The following RBM33 variants were observed in gnomAD, a reference collection of about 807,000 sequenced individuals.
The protein encoded by RBM33 is RNA binding motif protein 33.
A neutral mutation model predicts 132.6 loss-of-function variants in RBM33; 28 were observed. That is an observed-to-expected ratio of 0.21 (90% confidence interval 0.16 to 0.29). The LOEUF is 0.29. RBM33 is among the 10% of genes least tolerant of loss of function. RBM33 has a pLI of 1.00. For missense variants in RBM33, 1,291 were observed against 1,518.5 expected, an observed-to-expected ratio of 0.85 and a Z score of 2.49; for synonymous variants, 634 against 593.0, an observed-to-expected ratio of 1.07 and a Z score of -1.01.
At chr7:155,665,068 A>G (rs765169579) in intron 1 of RBM33, 107 bp from the exon 2 acceptor site, 4 of 818,850 alleles carry the variant, frequency 4.9e-6, no homozygotes, top group Non-Finnish European at 7.9e-6. Context: ...TTTGTAATTT[A>G]AAATGTCAAG....
At chr7:155,710,191 A>G (rs1305741747) in intron 7 of RBM33, among the ~76,000 whole-genome samples, 4 of 152,244 alleles carry the variant, frequency 2.6e-5, no homozygotes, top group Admixed American at 2.6e-4. Flanking sequence ...GTTAAATTAG[A>G]CAACTGAATA....
At chr7:155,718,736 AG>A (rs995479882) in intron 9 of RBM33, among the ~76,000 whole-genome samples, 1 of 152,172 alleles carries the variant, frequency 6.6e-6, no homozygotes, top group Non-Finnish European at 1.5e-5. Context: ...TTAGTGAGAA[AG>A]GGCCTTGCTT....
intron 1 of RBM33, among the ~76,000 whole-genome samples, chr7:155,662,940 AG>A (rs1798695101): frequency 6.6e-6 from 1 of 152,082 alleles, no homozygotes; most frequent in Non-Finnish European, 1.5e-5. Context: ...AAGGATGAAG[AG>A]GGGTGGGTCC....
chr7:155,763,816 G>T lies in RBM33; in HGVS notation c.2984G>T (p.Gly995Val). 6.2e-7 allele frequency: 1 copy of T among 1,609,526 alleles called. No individual in the cohort carries two copies. The highest frequency in any genetic ancestry group is 8.5e-7 in the Non-Finnish European group (1 of 1,177,978). Reference protein sequence around the residue: ...VRVIKLSGGGGESDGFFHPEG... With the variant: ...VRVIKLSGGGVESDGFFHPEG... ...CTGCCTTCTTGGTTTCAGCAGGGAGGAGAGAGCGATGGCTTTTTTCACCCA... is the reference window on the plus strand; with the variant it reads ...CTGCCTTCTTGGTTTCAGCAGGGAGTAGAGAGCGATGGCTTTTTTCACCCA... Residue 995 changes from glycine to valine, a missense_variant, in exon 15 of 18, where the codon GGA (glycine) becomes GTA (valine). This residue lies in a region of RBM33 where 841 missense variants were observed against 912.0 expected (regional missense o/e 0.92). Transcript: ENST00000401878.
At chr7:155,704,602 C>T (rs1370831035) in intron 6 of RBM33, among the ~76,000 whole-genome samples, 2 of 152,072 alleles carry the variant, frequency 1.3e-5, no homozygotes, top group African/African-American at 2.4e-5. Context: ...CCTTGGATTG[C>T]CTTAGAAAGC....
intron 2 of RBM33, among the ~76,000 whole-genome samples, chr7:155,669,308 T>C (rs542641475): frequency 2.0e-5 from 3 of 152,274 alleles, no homozygotes; most frequent in Non-Finnish European, 2.9e-5. Flanking sequence ...TTTAAAGATA[T>C]GAATGTCTCA....
intron 8 of RBM33, among the ~76,000 whole-genome samples, chr7:155,714,617 C>T (rs1481064103): frequency 6.6e-6 from 1 of 152,172 alleles, no homozygotes; most frequent in African/African-American, 2.4e-5. Flanking sequence ...AGGAGCCCTT[C>T]TACCTCCAGA....
intron 9 of RBM33, among the ~76,000 whole-genome samples, chr7:155,727,738 C>T (rs1050746568): frequency 5.3e-5 from 8 of 152,236 alleles, no homozygotes; most frequent in African/African-American, 1.9e-4. Context: ...TGTCCAATAG[C>T]ATCTGACATT....
At chr7:155,661,097 G>GTGTGTGT (rs1214054155) in intron 1 of RBM33, among the ~76,000 whole-genome samples, 2 of 110,152 alleles carry the variant, frequency 1.8e-5, no homozygotes, top group African/African-American at 7.4e-5. Flanking sequence ...GTGTGTGTGT[G>GTGTGTGT]GTGTGTGTGT....
In RBM33 at chr7:155,744,977, A is replaced by G; in HGVS notation, c.2354A>G (p.Glu785Gly). The G allele has an allele frequency of 6.4e-7, 1 of 1,566,174 alleles. No individual in the cohort carries two copies. The highest frequency in any genetic ancestry group is 8.6e-7 in the Non-Finnish European group (1 of 1,160,160). Residue 785 changes from glutamate (E) to glycine (G), a missense_variant, in exon 14 of 18, where the codon GAG (glutamate) becomes GGG (glycine). By Grantham distance (98) the Glu-to-Gly change is moderately conservative. Transcript: ENST00000401878. ...CCATTTTAGTTTCCTGATGAAGATGAGGAAACAAGGTTATATCGCTTAAAG... is the reference window on the plus strand; with the variant it reads ...CCATTTTAGTTTCCTGATGAAGATGGGGAAACAAGGTTATATCGCTTAAAG... Reference protein sequence around the residue: ...KTETEFPDEDEETRLYRLKIE... With the variant: ...KTETEFPDEDGETRLYRLKIE...
At chr7:155,755,902 C>CAA (rs150518793) in intron 14 of RBM33, among the ~76,000 whole-genome samples, 3 of 151,266 alleles carry the variant, frequency 2.0e-5, no homozygotes, top group African/African-American at 7.3e-5. Context: ...TATAAATATA[C>CAA]AAAAAAAACT....
At chr7:155,758,325 G>T (rs922387413) in intron 14 of RBM33, among the ~76,000 whole-genome samples, 2 of 152,160 alleles carry the variant, frequency 1.3e-5, no homozygotes, top group African/African-American at 2.4e-5. Context: ...CTGGCACCAG[G>T]GACTGGTTTC....
chr7:155,731,174 C>A (rs1030621969), intron 9 of RBM33, among the ~76,000 whole-genome samples: 13 of 152,132 alleles, frequency 8.5e-5, no homozygotes, highest in Admixed American at 2.6e-4. Flanking sequence ...TTTGCCTTAT[C>A]TATAATGAGA....
intron 8 of RBM33, among the ~76,000 whole-genome samples, chr7:155,712,940 T>C (rs1800349453): frequency 6.6e-6 from 1 of 152,174 alleles, no homozygotes; most frequent in African/African-American, 2.4e-5. Flanking sequence ...GAGGAGACTG[T>C]CGGGTGGCAA....
At chr7:155,730,369 T>G (rs1438709910) in intron 9 of RBM33, among the ~76,000 whole-genome samples, 14 of 152,222 alleles carry the variant, frequency 9.2e-5, no homozygotes, top group Admixed American at 9.2e-4. Flanking sequence ...GATATGGAAA[T>G]ATGTCAGAAG....
rs188189927 is a variant in RBM33 at position 155,765,354 on chromosome 7, G to T, written c.3187-1113G>T. On this transcript the variant is annotated intron_variant, in intron 15 of 17. Coordinates refer to ENST00000401878, the MANE Select transcript of RBM33 (RefSeq NM_053043.3). ...AACTGTAACTTGCAACTTCTCATGT[G>T]CATTTTCCAGTGTGGTTTCTCTTGA... 7.9e-5 allele frequency among the ~76,000 whole-genome samples: 12 copies of T among 152,312 alleles called. No homozygotes were observed. The East Asian group carries it at 2.3e-3, about 29-fold the overall frequency.
At chr7:155,661,146 A>ATATATTTTTTTT (rs1421586760) in intron 1 of RBM33, among the ~76,000 whole-genome samples, 1,836 of 80,900 alleles carry the variant, frequency 0.023, 161 homozygotes, top group Non-Finnish European at 0.037. Flanking sequence ...ATATATATAT[A>ATATATTTTTTTT]TTTTTTTTTT....
chr7:155,676,704 C>T (rs559979868), intron 3 of RBM33, among the ~76,000 whole-genome samples: 54 of 152,252 alleles, frequency 3.5e-4, no homozygotes, highest in African/African-American at 1.1e-3. Flanking sequence ...CCCTGGAGCC[C>T]GAGAAAACTG....
intron 9 of RBM33, among the ~76,000 whole-genome samples, chr7:155,725,205 T>G (rs1255022762): frequency 7.2e-5 from 4 of 55,290 alleles, no homozygotes; most frequent in Admixed American, 1.9e-4. Context: ...TTTTAGTTGT[T>G]TTTTTTTTTT....
Sources: gnomAD v4.1 joint callset for allele counts (sites outside exome capture counted in the v4.1 genomes callset) on GRCh38, gnomAD v4.1.1 for gene constraint, gnomAD v4.1.1 regional missense constraint, MANE v1.5 for transcripts, NCBI Gene and HGNC (gene_info 2026-07-23, HGNC 2026-07-21) for gene names.